Variants in AOPEP observed in about 807,000 individuals in gnomAD.
AOPEP encodes aminopeptidase O.
A neutral mutation model predicts 98.1 loss-of-function variants in AOPEP; 77 were observed. That is an observed-to-expected ratio of 0.78 (90% CI 0.65 to 0.95). The LOEUF is 0.95. Among genes scored for constraint, AOPEP ranks in the 40% least tolerant of loss-of-function variants. The pLI is 0.00. For synonymous variants in AOPEP, 346 were observed against 365.3 expected, an observed-to-expected ratio of 0.95 and a Z score of 0.60; for missense variants, 1,024 against 1,024.7, an observed-to-expected ratio of 1.00 and a Z score of 0.01.
chr9:95,061,030 A>G (rs2067274201), intron 14 of AOPEP: 1 of 442,632 alleles, frequency 2.3e-6, no homozygotes, highest in Non-Finnish European at 4.1e-6. Flanking sequence ...CTTAAATCAT[A>G]AAGATGGACA....
chr9:95,138,721 G>A, the AOPEP span, among the ~76,000 whole-genome samples: 1 of 152,178 alleles, frequency 6.6e-6, no homozygotes, highest in African/African-American at 2.4e-5. Context: ...AGGTGGTGGT[G>A]GGGAAGCTGC....
chr9:94,976,839 T>C (rs1352066742), intron 10 of AOPEP, among the ~76,000 whole-genome samples: 1 of 151,988 alleles, frequency 6.6e-6, no homozygotes, highest in Non-Finnish European at 1.5e-5. Context: ...GCTAATTTTT[T>C]TATTTTTAGT....
intron 5 of AOPEP, among the ~76,000 whole-genome samples, chr9:94,895,619 C>T (rs1378120290): frequency 6.6e-6 from 1 of 151,776 alleles, no homozygotes; most frequent in East Asian, 1.9e-4. Flanking sequence ...GACAGAGTCT[C>T]CCTCTGTCAC....
At chr9:94,850,881 C>A (rs995631009) in intron 5 of AOPEP, among the ~76,000 whole-genome samples, 2 of 152,156 alleles carry the variant, frequency 1.3e-5, no homozygotes, top group Non-Finnish European at 2.9e-5. Context: ...ATTCTGGCTG[C>A]GGGAATATGA....
chr9:94,817,636 C>T (rs1261800582), intron 5 of AOPEP, among the ~76,000 whole-genome samples: 1 of 152,192 alleles, frequency 6.6e-6, no homozygotes, highest in East Asian at 1.9e-4. Context: ...AGCAAGCATG[C>T]CAATATCCAT....
At chr9:94,931,914 A>G in intron 7 of AOPEP, 1 of 1,155,082 alleles carries the variant, frequency 8.7e-7, no homozygotes, top group Non-Finnish European at 1.2e-6. Context: ...GCAGGTTAAC[A>G]GTCTCCACTT....
intron 5 of AOPEP, among the ~76,000 whole-genome samples, chr9:94,880,449 G>C (rs113392299): frequency 0.022 from 3,212 of 147,474 alleles, 86 homozygotes; most frequent in African/African-American, 0.059. Context: ...TCACTGCAGC[G>C]TCGACCTCCC....
At chr9:94,985,631 GA>G (rs2060471057) in intron 11 of AOPEP, among the ~76,000 whole-genome samples, 1 of 152,156 alleles carries the variant, frequency 6.6e-6, no homozygotes, top group South Asian at 2.1e-4. Flanking sequence ...AAATTTCAGA[GA>G]AAGTATATTT....
chr9:95,051,687 G>T lies in AOPEP; in HGVS notation c.2116-9007G>T, dbSNP rs117898574. Among the ~76,000 whole-genome samples the T allele has an allele frequency of 5.7e-4, 87 of 151,812 alleles. 2 individuals carry two copies. The East Asian group carries it at 0.014, about 24-fold the overall frequency. Reference sequence around the variant, plus strand: ...AAGAATAATTAACCAGATCTGTACTGTAAAGAATGTTTATGAAACTTTTTT... The same window carrying T: ...AAGAATAATTAACCAGATCTGTACTTTAAAGAATGTTTATGAAACTTTTTT... On this transcript the variant is annotated intron_variant, in intron 13 of 16. Transcript: ENST00000375315.
chr9:94,849,142 A>G (rs1475738667), intron 5 of AOPEP, among the ~76,000 whole-genome samples: 2 of 152,250 alleles, frequency 1.3e-5, no homozygotes, highest in African/African-American at 4.8e-5. Context: ...GGGGGTAGGA[A>G]TAGTAAGGAG....
At chr9:94,859,737 C>T (rs79788780) in intron 5 of AOPEP, among the ~76,000 whole-genome samples, 4,880 of 152,288 alleles carry the variant, frequency 0.032, 265 homozygotes, top group African/African-American at 0.11. Flanking sequence ...GTCAGCTAAC[C>T]TGTGTTGGAA....
At chr9:94,761,186 GCTGTGA>G (rs909019033) in intron 2 of AOPEP, among the ~76,000 whole-genome samples, 9 of 152,282 alleles carry the variant, frequency 5.9e-5, no homozygotes, top group African/African-American at 2.2e-4. Context: ...GGCTTCTTTG[GCTGTGA>G]TTCTTGGTAT....
At chr9:94,903,912 A>AAT (rs59958809) in intron 5 of AOPEP, among the ~76,000 whole-genome samples, 1,927 of 149,078 alleles carry the variant, frequency 0.013, 60 homozygotes, top group African/African-American at 0.046. Context: ...AAAAAAAAAA[A>AAT]GTTCAAAAAA....
chr9:94,924,536 A>G (rs1159957793), intron 6 of AOPEP, among the ~76,000 whole-genome samples: 1 of 152,226 alleles, frequency 6.6e-6, no homozygotes, highest in Non-Finnish European at 1.5e-5. Context: ...AGCATACTCA[A>G]GCACTTCTTT....
At chr9:94,906,490 C>G (rs1295513426) in intron 5 of AOPEP, among the ~76,000 whole-genome samples, 1 of 58,072 alleles carries the variant, frequency 1.7e-5, no homozygotes, top group East Asian at 4.7e-4. Flanking sequence ...AATAAAAAAA[C>G]AGACCCCCTC....
At chr9:95,018,023 C>T (rs2063151248) in intron 13 of AOPEP, among the ~76,000 whole-genome samples, 1 of 152,180 alleles carries the variant, frequency 6.6e-6, no homozygotes, top group African/African-American at 2.4e-5. Flanking sequence ...TGTTGATCCA[C>T]TTACTGGTTA....
chr9:95,037,198 T>A (rs970565535), intron 13 of AOPEP, among the ~76,000 whole-genome samples: 16 of 152,332 alleles, frequency 1.1e-4, no homozygotes, highest in Non-Finnish European at 1.8e-4. Context: ...GGATAATTTT[T>A]TTTTTACCTC....
chr9:95,145,016 C>A, the AOPEP span, among the ~76,000 whole-genome samples: 818 of 152,252 alleles, frequency 5.4e-3, 6 homozygotes, highest in African/African-American at 0.018. Flanking sequence ...ATGAAACCTG[C>A]ATTTTGACCA....
chr9:95,045,418 C>G (rs893759549), intron 13 of AOPEP, among the ~76,000 whole-genome samples: 4 of 152,244 alleles, frequency 2.6e-5, no homozygotes, highest in South Asian at 2.1e-4. Flanking sequence ...GCGCGACTTG[C>G]TTTTGTTAAA....
Sources: allele counts gnomAD v4.1 joint callset (sites outside exome capture counted in the v4.1 genomes callset), GRCh38; gene constraint gnomAD v4.1.1; transcripts MANE v1.5; gene names NCBI Gene and HGNC (gene_info 2026-07-23, HGNC 2026-07-21).